SLC36A1: variants seen among roughly 807,000 people sequenced by gnomAD.
SLC36A1 encodes the protein proton-coupled amino acid transporter 1.
In SLC36A1, 30 loss-of-function variants were observed where a neutral mutation model predicts 47.5. The observed-to-expected ratio is 0.63, with a 90% confidence interval of 0.47 to 0.86. The LOEUF (loss-of-function observed/expected upper bound fraction) is 0.86. Among genes scored for constraint, SLC36A1 ranks in the 40% least tolerant of loss-of-function variants. The probability of loss-of-function intolerance (pLI) is 0.00; values close to 1 mark genes in which losing one functional copy is unlikely to be tolerated. For synonymous variants in SLC36A1, 255 were observed against 249.7 expected (o/e 1.02, Z -0.20); for missense variants, 517 against 606.0 (o/e 0.85, Z 1.54).
At chr5:151,506,241 G>T in the SLC36A1 span, 1 of 814,908 alleles carries the variant, frequency 1.2e-6, no homozygotes, top group Non-Finnish European at 1.7e-6. Context: ...GTCTCTGTTG[G>T]CTTACGTTGA....
chr5:151,506,137 C>T, the SLC36A1 span: 1 of 1,490,912 alleles, frequency 6.7e-7, no homozygotes, highest in Non-Finnish European at 8.8e-7. Context: ...TCATTTTCTC[C>T]CCGGAAGGTT....
upstream of SLC36A1, among the ~76,000 whole-genome samples, chr5:151,446,483 T>A (rs1752927024): frequency 6.6e-6 from 1 of 152,054 alleles, no homozygotes; most frequent in Admixed American, 6.6e-5. Context: ...TGAGCCAAGA[T>A]TGCACCACTG....
At chr5:151,415,025 A>T in the SLC36A1 span, among the ~76,000 whole-genome samples, 6 of 152,104 alleles carry the variant, frequency 3.9e-5, no homozygotes, top group African/African-American at 1.2e-4. Flanking sequence ...GTATGGAGTC[A>T]AGAGGGCCTG....
Position 151,488,031 on chromosome 5 carries a change from T to C in SLC36A1, c.1208T>C (p.Val403Ala). ...CGCCTGGACCTGGTCATCTCCCTGG[T>C]GGGCTCCGTGAGCAGCAGCGCCCTG... ...IPRLDLVISL[V>A]GSVSSSALAL... is the part of the protein sequence containing the mutation. Residue 403 changes from valine (V) to alanine (A), a missense_variant, in exon 11 of 11, where the codon GTG becomes GCG. By Grantham distance (64) the Val-to-Ala change is moderately conservative. Transcript: ENST00000243389. 6.2e-7 allele frequency: 1 copy of C among 1,614,140 alleles called. No individual in the cohort carries two copies. Among genetic ancestry groups the C allele is most frequent in the Non-Finnish European group, 8.5e-7 (1 of 1,180,014 alleles).
chr5:151,347,999 T>C, the SLC36A1 span, among the ~76,000 whole-genome samples: 1 of 152,106 alleles, frequency 6.6e-6, no homozygotes, highest in African/African-American at 2.4e-5. Flanking sequence ...TACCTACAAA[T>C]CCCTCTCCTT....
chr5:151,475,404 T>C (rs1222027689), intron 8 of SLC36A1, among the ~76,000 whole-genome samples: 1 of 152,236 alleles, frequency 6.6e-6, no homozygotes. Context: ...AAGATTTCTT[T>C]GTATTTCTAT....
chr5:151,391,452 G>C, the SLC36A1 span, among the ~76,000 whole-genome samples: 1 of 152,312 alleles, frequency 6.6e-6, no homozygotes, highest in African/African-American at 2.4e-5. Context: ...AATAGGAGTG[G>C]TGAGAGAGAG....
the SLC36A1 span, among the ~76,000 whole-genome samples, chr5:151,400,668 G>A: frequency 6.6e-6 from 1 of 151,788 alleles, no homozygotes; most frequent in Non-Finnish European, 1.5e-5. Context: ...GCCAATACCC[G>A]TTTTTTGTTT....
rs544361325 is a variant in SLC36A1, at chr5:151,469,101, A to C, written c.723+1176A>C. 3,671 of 445,442 alleles carry C rather than the reference A, an allele frequency of 8.2e-3. 34 individuals are homozygous for C. Among genetic ancestry groups the C allele is most frequent in the Non-Finnish European group, 8.8e-3 (2,205 of 249,836 alleles). The allele number at this position is 445,442 out of a possible 1,614,324, so 27.6% of individuals were successfully genotyped here. On this transcript the variant is annotated intron_variant, in intron 7 of 10. Coordinates refer to ENST00000243389, the MANE Select transcript of SLC36A1 (RefSeq NM_078483.4). ...AAATAAAAGCATAACTTAAAAAAAA[A>C]AATACTTAAATTCAGTTCCCCAAAT...
the SLC36A1 span, among the ~76,000 whole-genome samples, chr5:151,533,965 T>C: frequency 2.6e-5 from 4 of 152,126 alleles, no homozygotes; most frequent in Non-Finnish European, 2.9e-5. Context: ...ATGTAAAATA[T>C]TGAAAAGGGT....
the SLC36A1 span, among the ~76,000 whole-genome samples, chr5:151,388,671 A>C: frequency 4.8e-3 from 524 of 109,726 alleles, 3 homozygotes; most frequent in African/African-American, 0.027. Context: ...ATCTCTTCAA[A>C]TATTTTACAG....
intron 1 of SLC36A1, among the ~76,000 whole-genome samples, chr5:151,449,096 T>G (rs1255199179): frequency 1.3e-5 from 2 of 152,186 alleles, no homozygotes; most frequent in African/African-American, 4.8e-5. Context: ...TTACCCGCTG[T>G]GTACACTGAG....
At chr5:151,421,580 C>CT in the SLC36A1 span, among the ~76,000 whole-genome samples, 1,060 of 134,944 alleles carry the variant, frequency 7.9e-3, 4 homozygotes, top group Middle Eastern at 0.022. Context: ...TTCTTTCTTT[C>CT]TTTTTTTTTT....
At chr5:151,370,768 G>A in the SLC36A1 span, among the ~76,000 whole-genome samples, 257 of 152,216 alleles carry the variant, frequency 1.7e-3, 1 homozygote, top group South Asian at 1.9e-3. Context: ...TGAGGCGGGC[G>A]GATCTGTTGA....
At chr5:151,387,662 C>T in the SLC36A1 span, among the ~76,000 whole-genome samples, 1 of 152,128 alleles carries the variant, frequency 6.6e-6, no homozygotes, top group African/African-American at 2.4e-5. Flanking sequence ...AGTGTAGTGG[C>T]ACAATCCTAG....
the SLC36A1 span, chr5:151,542,806 T>C: frequency 6.2e-7 from 1 of 1,614,202 alleles, no homozygotes; most frequent in Non-Finnish European, 8.5e-7. Context: ...CACATCAGTG[T>C]TCTGAAGGCA....
the SLC36A1 span, among the ~76,000 whole-genome samples, chr5:151,506,790 A>G: frequency 6.6e-6 from 1 of 152,322 alleles, no homozygotes; most frequent in South Asian, 2.1e-4. Context: ...GCACTTCCAC[A>G]CTGGGCAACC....
the SLC36A1 span, chr5:151,542,287 G>C: frequency 1.3e-6 from 2 of 1,591,918 alleles, no homozygotes. Flanking sequence ...GTTCTTACCT[G>C]TGATGTAGCA....
chr5:151,397,670 G>A, the SLC36A1 span, among the ~76,000 whole-genome samples: 9 of 151,342 alleles, frequency 5.9e-5, no homozygotes, highest in Non-Finnish European at 1.0e-4. Context: ...AGGCTGAGGC[G>A]GGAGAATCGC....
Sources: allele counts gnomAD v4.1 joint callset (sites outside exome capture counted in the v4.1 genomes callset), GRCh38; gene constraint gnomAD v4.1.1; transcripts MANE v1.5; gene names NCBI Gene and HGNC (gene_info 2026-07-23, HGNC 2026-07-21).